SREBF2: variants seen among roughly 807,000 people sequenced by gnomAD.
SREBF2 encodes sterol regulatory element binding transcription factor 2.
SREBF2 carries 55 observed loss-of-function variants against 113.1 expected under a neutral mutation model. The ratio of observed to expected loss-of-function variants is 0.49; its 90% CI spans 0.39 to 0.61. The LOEUF is 0.61. SREBF2 is among the 20% of genes least tolerant of loss of function. SREBF2 has a pLI of 0.00. For missense variants in SREBF2, 1,349 were observed against 1,487.4 expected, an observed-to-expected ratio of 0.91 and a Z score of 1.53; for synonymous variants, 593 against 605.7, an observed-to-expected ratio of 0.98 and a Z score of 0.31.
At chr22:41,901,331 C>T (rs1341742717) in intron 16 of SREBF2, among the ~76,000 whole-genome samples, 2 of 152,158 alleles carry the variant, frequency 1.3e-5, no homozygotes, top group Admixed American at 6.5e-5. Flanking sequence ...CCCAGGACAG[C>T]GTGGCAGCCC....
intron 4 of SREBF2, among the ~76,000 whole-genome samples, chr22:41,872,808 T>G (rs1219206858): frequency 6.6e-6 from 1 of 151,984 alleles, no homozygotes; most frequent in Non-Finnish European, 1.5e-5. Flanking sequence ...GGAGAATCAC[T>G]TGAACCAGGG....
chr22:41,858,523 G>A (rs975851210), intron 1 of SREBF2, among the ~76,000 whole-genome samples: 15 of 151,690 alleles, frequency 9.9e-5, no homozygotes, highest in South Asian at 6.2e-4. Context: ...TGGGAGGATC[G>A]CATGAGGCAG....
At chr22:41,881,282 A>G (rs1352860511) in intron 10 of SREBF2, among the ~76,000 whole-genome samples, 2 of 152,240 alleles carry the variant, frequency 1.3e-5, no homozygotes, top group Non-Finnish European at 2.9e-5. Flanking sequence ...CTTTAGTGAT[A>G]CTTAAATTAA....
At chr22:41,866,027 C>T (rs1039711060) in intron 1 of SREBF2, among the ~76,000 whole-genome samples, 1 of 152,098 alleles carries the variant, frequency 6.6e-6, no homozygotes, top group Admixed American at 6.5e-5. Context: ...GAGAGGAGGC[C>T]TAGAGCCTCC....
At chr22:41,850,236 G>A (rs2076915529) in intron 1 of SREBF2, among the ~76,000 whole-genome samples, 1 of 151,790 alleles carries the variant, frequency 6.6e-6, no homozygotes, top group Admixed American at 6.6e-5. Flanking sequence ...GATCACAAGG[G>A]CAGGAGATCA....
chr22:41,878,323 G>T (rs2077216209), intron 9 of SREBF2, among the ~76,000 whole-genome samples, 200 bp downstream of exon 9: 1 of 152,156 alleles, frequency 6.6e-6, no homozygotes, highest in African/African-American at 2.4e-5. Context: ...TATGTCTCCG[G>T]TATGACAGGA....
intron 7 of SREBF2, among the ~76,000 whole-genome samples, chr22:41,875,982 G>T (rs1048210779): frequency 3.9e-5 from 6 of 152,240 alleles, no homozygotes; most frequent in Non-Finnish European, 5.9e-5. Context: ...GATCCAGAAC[G>T]AGAATGCAGA....
rs1030783515 is a variant in SREBF2 at position 41,878,667 on chromosome 22, C to T, written c.1761+544C>T. On this transcript the variant is annotated intron_variant, in intron 9 of 18. Transcript: ENST00000361204. ...TCATTTGAAATCAACAGGGAGTTTA[C>T]GGAAAAAAATCTGGGGCAACTCACA... 81 of 1,303,750 alleles carry T rather than the reference C, an allele frequency of 6.2e-5. No individual in the cohort carries two copies. The African/African-American group carries it at 1.0e-3, about 16-fold the overall frequency. 80.8% of individuals were successfully genotyped at this position (1,303,750 alleles called of 1,614,324 possible). A position where few individuals can be genotyped will look rare whatever the true frequency, so the allele number is the denominator to read the frequency against.
chr22:41,885,740 C>T (rs1291457844), intron 11 of SREBF2: 2 of 156,268 alleles, frequency 1.3e-5, no homozygotes, highest in African/African-American at 4.8e-5. Flanking sequence ...TATGGATAGA[C>T]TGCTGAATAC....
At chr22:41,873,624 C>A (rs133291) in intron 4 of SREBF2, 174 bp from the exon 5 acceptor site, 1 of 655,750 alleles carries the variant, frequency 1.5e-6, no homozygotes, top group South Asian at 1.7e-5. Flanking sequence ...ACCAAGGTTC[C>A]GTGGCTCCTG....
chr22:41,867,380 G>T (rs2077093136), intron 2 of SREBF2, 100 bp downstream of exon 2: 18 of 1,303,908 alleles, frequency 1.4e-5, no homozygotes, highest in Middle Eastern at 1.9e-4. Context: ...GGAATGGCAG[G>T]TATATCAATA....
chr22:41,849,029 T>C (rs1000170850), intron 1 of SREBF2, among the ~76,000 whole-genome samples: 1 of 152,186 alleles, frequency 6.6e-6, no homozygotes, highest in Non-Finnish European at 1.5e-5. Flanking sequence ...GTTTAAACTT[T>C]GTATATGAAT....
chr22:41,847,105 A>T (rs1397086561), intron 1 of SREBF2, among the ~76,000 whole-genome samples: 1 of 151,928 alleles, frequency 6.6e-6, no homozygotes, highest in East Asian at 1.9e-4. Context: ...TTTTAGGGAG[A>T]TTTGGGGGCA....
chr22:41,870,804 C>A, intron 3 of SREBF2, 85 bp from the exon 4 acceptor site: 1 of 1,516,242 alleles, frequency 6.6e-7, no homozygotes, highest in Non-Finnish European at 9.1e-7. Flanking sequence ...CTCATTCTTT[C>A]TTGGAAGGTC....
At chr22:41,871,139 G>A (rs1185285292) in intron 4 of SREBF2, 104 bp downstream of exon 4, 3 of 1,474,010 alleles carry the variant, frequency 2.0e-6, no homozygotes, top group Non-Finnish European at 2.8e-6. Flanking sequence ...GTATGGGAGG[G>A]TCTATAGCAC....
At chr22:41,839,043 T>C (rs544059562) in intron 1 of SREBF2, among the ~76,000 whole-genome samples, 1 of 152,172 alleles carries the variant, frequency 6.6e-6, no homozygotes, top group Admixed American at 6.5e-5. Flanking sequence ...GTTCACACCA[T>C]TGGGAAGGTT....
Position 41,877,806 on chromosome 22 carries a change from G to A in SREBF2, c.1580-136G>A. 3.1e-6 allele frequency: 3 copies of A among 957,900 alleles called. No homozygotes were observed. The South Asian group carries it at 4.0e-5, about 13-fold the overall frequency. 59.3% of individuals were successfully genotyped at this position (957,900 alleles called of 1,614,324 possible). A position where few individuals can be genotyped will look rare whatever the true frequency, so the allele number is the denominator to read the frequency against. On this transcript the variant is annotated intron_variant, in intron 8 of 18. Transcript: ENST00000361204. ...GGGCTACAGTCATTAGCCCTGTTTAGATTATAGAATTATTTGCCCTTTCTT... is the reference window on the plus strand; with the variant it reads ...GGGCTACAGTCATTAGCCCTGTTTAAATTATAGAATTATTTGCCCTTTCTT...
chr22:41,833,181 G>T lies in SREBF2; in HGVS notation c.-90G>T. On this transcript the variant is annotated 5_prime_UTR_variant, in exon 1 of 19. Transcript: ENST00000361204. The surrounding 1 kb of genome is among the most constrained non-coding windows in gnomAD (Gnocchi z 4.1). Reference sequence around the variant, plus strand: ...GTCGGTGAGGCGGTGCCGGGCGGGGGTTGTCGGGTGTCATGGGCGGTGGCG... The same window carrying T: ...GTCGGTGAGGCGGTGCCGGGCGGGGTTTGTCGGGTGTCATGGGCGGTGGCG... 2.9e-6 allele frequency: 3 copies of T among 1,028,900 alleles called. No homozygotes were observed. Among genetic ancestry groups the T allele is most frequent in the Non-Finnish European group, 4.1e-6 (3 of 738,256 alleles). 63.7% of individuals were successfully genotyped at this position (1,028,900 alleles called of 1,614,324 possible).
At chr22:41,873,759 C>A (rs1335605463) in intron 4 of SREBF2, 39 bp from the exon 5 acceptor site, 20 of 1,558,960 alleles carry the variant, frequency 1.3e-5, no homozygotes, top group Non-Finnish European at 1.6e-5. Flanking sequence ...TGCAGACTAA[C>A]AAAGGGATCA....
Sources: allele counts gnomAD v4.1 joint callset (sites outside exome capture counted in the v4.1 genomes callset), GRCh38; gene constraint gnomAD v4.1.1; non-coding constraint Gnocchi (gnomAD v3.1); transcripts MANE v1.5; gene names NCBI Gene and HGNC (gene_info 2026-07-23, HGNC 2026-07-21).